ARHGAP11A: variants seen among roughly 807,000 people sequenced by gnomAD.
ARHGAP11A encodes Rho GTPase activating protein 11A, also known as rho GTPase-activating protein 11A.
Under a neutral mutation model 60.5 loss-of-function variants are expected in ARHGAP11A, and 36 were observed. That is an observed-to-expected ratio of 0.59 (90% confidence interval 0.46 to 0.79). The LOEUF (loss-of-function observed/expected upper bound fraction) is 0.79, where lower values mean the gene tolerates loss of function less well. ARHGAP11A is among the 30% of genes least tolerant of loss of function. ARHGAP11A has a pLI of 0.00. For missense variants in ARHGAP11A, 1,071 were observed against 1,199.2 expected, an observed-to-expected ratio of 0.89 and a Z score of 1.58; for synonymous variants, 362 against 415.5, an observed-to-expected ratio of 0.87 and a Z score of 1.57.
At chr15:32,633,808 G>T (rs753304673) in intron 9 of ARHGAP11A, 125 bp from the exon 10 acceptor site, 30 of 615,518 alleles carry the variant, frequency 4.9e-5, no homozygotes, top group Non-Finnish European at 7.3e-5. Flanking sequence ...TGTTTTTAAA[G>T]AATTATTAAT....
At chr15:32,632,946 T>C (rs373626256) in intron 8 of ARHGAP11A, 33 bp from the exon 9 acceptor site, 28 of 1,560,718 alleles carry the variant, frequency 1.8e-5, no homozygotes, top group Non-Finnish European at 2.3e-5. Context: ...AAAATAGATA[T>C]GTGTGGTATA....
intron 8 of ARHGAP11A, among the ~76,000 whole-genome samples, chr15:32,631,996 A>G (rs150754193): frequency 0.028 from 4,250 of 152,302 alleles, 72 homozygotes; most frequent in Non-Finnish European, 0.035. Flanking sequence ...TAAAGTGACT[A>G]GACTGCAGCC....
chr15:32,627,790 A>T (rs1308118624), intron 6 of ARHGAP11A, among the ~76,000 whole-genome samples: 1 of 147,994 alleles, frequency 6.8e-6, no homozygotes, highest in Non-Finnish European at 1.5e-5. Flanking sequence ...AATCTACCCT[A>T]CATATTGCTA....
rs768933545 is a variant in ARHGAP11A, at chr15:32,616,358, G to A, written c.129+18G>A. 4 of 1,612,964 alleles carry A rather than the reference G, an allele frequency of 2.5e-6. No homozygotes were observed. Among genetic ancestry groups the A allele is most frequent in the South Asian group, 1.1e-5 (1 of 90,950 alleles). On this transcript the variant is annotated intron_variant, in intron 1 of 11. Coordinates refer to ENST00000361627, the MANE Select transcript of ARHGAP11A (RefSeq NM_014783.6). ...AAATAGGGGTAAGTTCTGTGAAAAG[G>A]GATTTAGGTTTAAAAGAAAGGGCAC...
chr15:32,620,110 T>C lies in ARHGAP11A; in HGVS notation c.132T>C (p.Gly44=), dbSNP rs776987521. 15 of 1,604,938 alleles carry C rather than the reference T, an allele frequency of 9.3e-6. No homozygotes were observed. The African/African-American group carries it at 2.0e-4, about 22-fold the overall frequency. ...AGTAACTGAATTTGTCATTTTAGGG[T>C]AAAATATTTGGAGTACCTTTTAATG... The part of the protein sequence containing the change: ...RHETAATEIG[G]KIFGVPFNAL... Residue 44 remains glycine, a splice_region_variant and synonymous_variant, in exon 2 of 12, where the codon GGT becomes GGC. Transcript: ENST00000361627.
intron 7 of ARHGAP11A, among the ~76,000 whole-genome samples, chr15:32,629,206 G>A (rs2053534388): frequency 6.9e-6 from 1 of 144,616 alleles, no homozygotes; most frequent in South Asian, 2.2e-4. Context: ...ATGATCTTCT[G>A]TTTTCTAGAG....
intron 1 of ARHGAP11A, among the ~76,000 whole-genome samples, chr15:32,619,588 T>C (rs953024320): frequency 2.4e-4 from 34 of 142,132 alleles, no homozygotes; most frequent in African/African-American, 8.5e-4. Context: ...GGAAAATGTA[T>C]TAGGTATAAA....
chr15:32,616,153 G>A lies in ARHGAP11A; in HGVS notation c.-59G>A. ...AGAGCGTTTGGAAATTGGAAGACTT[G>A]GTGGCGAACGAGGGTCAGGACCTGC... On this transcript the variant is annotated 5_prime_UTR_variant, in exon 1 of 12. Transcript: ENST00000361627. 1 of 1,562,366 alleles carries A rather than the reference G, an allele frequency of 6.4e-7. No homozygotes were observed. The highest frequency in any genetic ancestry group is 2.3e-5 in the East Asian group (1 of 44,254).
In ARHGAP11A at chr15:32,638,716, A is replaced by C. The variant is rs752652838; in HGVS notation, c.*871A>C. The C allele has an allele frequency of 2.0e-5, 3 of 152,666 alleles. No homozygotes were observed. The highest frequency in any genetic ancestry group is 4.4e-5 in the Non-Finnish European group (3 of 68,034). 9.5% of individuals were successfully genotyped at this position (152,666 alleles called of 1,614,324 possible). Reference sequence around the variant, plus strand: ...TCACTCGAACTAAGAACAATGGTTAAGGCAGAATAATGACTAAAATATGTT... The same window carrying C: ...TCACTCGAACTAAGAACAATGGTTACGGCAGAATAATGACTAAAATATGTT... On this transcript the variant is annotated 3_prime_UTR_variant, in exon 12 of 12. Transcript: ENST00000361627.
At chr15:32,620,763 T>G (rs1037635350) in intron 2 of ARHGAP11A, among the ~76,000 whole-genome samples, 1 of 152,080 alleles carries the variant, frequency 6.6e-6, no homozygotes, top group African/African-American at 2.4e-5. Flanking sequence ...TTTGACTTTT[T>G]TTTGTTTGTT....
rs1567055711 is a variant in ARHGAP11A, at chr15:32,629,577, G to C, written c.938-18G>C. 1 of 1,585,742 alleles carries C rather than the reference G, an allele frequency of 6.3e-7. No homozygotes were observed. Among genetic ancestry groups the C allele is most frequent in the Admixed American group, 1.8e-5 (1 of 54,470 alleles). On this transcript the variant is annotated intron_variant, in intron 7 of 11. Transcript: ENST00000361627. ...TCTGCAGTAGAAACAAGTTGGTTTT[G>C]TTTTGATATTTTTTCAGCCCAGCTA...
Position 32,636,498 on chromosome 15 carries a change from T to C in ARHGAP11A, c.1725T>C (p.His575=), listed in dbSNP as rs756478051. 29 of 1,613,918 alleles carry C rather than the reference T, an allele frequency of 1.8e-5. No homozygotes were observed. Among genetic ancestry groups the C allele is most frequent in the East Asian group, 8.9e-5 (4 of 44,880 alleles). Residue 575 remains histidine, a synonymous_variant, in exon 12 of 12, where the codon CAT becomes CAC. Transcript: ENST00000361627. The part of the protein sequence containing the change: ...ELTPSNLNNK[H]NSNITSSPLS... ...CCCCTTCCAATTTAAACAATAAGCA[T>C]AATAGCAACATAACAAGTAGCCCTC... is the stretch of plus-strand genomic sequence containing the variant.
chr15:32,636,822 T>A lies in ARHGAP11A; in HGVS notation c.2049T>A (p.Asn683Lys). The change falls in exon 12 of 12, where the codon AAT becomes AAA. Residue 683 changes from asparagine to lysine, a missense_variant. Coordinates refer to ENST00000361627, the MANE Select transcript of ARHGAP11A (RefSeq NM_014783.6). ...CACCCCTTCAAACTCAAACATTTAATAGAGAAACAACTATAAAATGTTATT... is the reference window on the plus strand; with the variant it reads ...CACCCCTTCAAACTCAAACATTTAAAAGAGAAACAACTATAAAATGTTATT... ...DFSPLQTQTF[N>K]RETTIKCYST... The A allele has an allele frequency of 6.2e-7, 1 of 1,607,876 alleles. No homozygotes were observed. The highest frequency in any genetic ancestry group is 8.5e-7 in the Non-Finnish European group (1 of 1,178,552).
rs61758695 is a variant in ARHGAP11A, at chr15:32,636,652, G to A, written c.1879G>A (p.Val627Ile). 4.1e-4 allele frequency: 655 copies of A among 1,613,834 alleles called. No homozygotes were observed. The highest frequency in any genetic ancestry group is 6.3e-4 in the Admixed American group (38 of 59,950). Residue 627 changes from valine (V) to isoleucine (I), a missense_variant, in exon 12 of 12, where the codon GTA becomes ATA. Physicochemically the swap from Val to Ile is conservative, Grantham distance 29 (BLOSUM62 3). Around this residue, in one of 4 missense-constraint regions of ARHGAP11A, gnomAD observed 776 missense variants for 760.2 expected, o/e 1.02. Transcript: ENST00000361627. ...GTCATCAGTAACTAATGTGGGGAAAGTAAAATTAACTGAACCATCTTATTT... is the reference window on the plus strand; with the variant it reads ...GTCATCAGTAACTAATGTGGGGAAAATAAAATTAACTGAACCATCTTATTT... Reference protein sequence around the residue: ...RQSSVTNVGKVKLTEPSYLED... With the variant: ...RQSSVTNVGKIKLTEPSYLED...
At chr15:32,622,083 G>A (rs2053340864) in intron 2 of ARHGAP11A, among the ~76,000 whole-genome samples, 1 of 152,306 alleles carries the variant, frequency 6.6e-6, no homozygotes, top group African/African-American at 2.4e-5. Context: ...CTCTTTAAAT[G>A]ACCTATGAAA....
chr15:32,621,183 C>CTTTTTTTTTTT (rs60915388), intron 2 of ARHGAP11A, among the ~76,000 whole-genome samples: 4 of 64,252 alleles, frequency 6.2e-5, no homozygotes, highest in Non-Finnish European at 8.1e-5. Context: ...ACCTTTTATT[C>CTTTTTTTTTTT]TTTTTTTTTT....
chr15:32,618,813 G>A (rs1364102326), intron 1 of ARHGAP11A, among the ~76,000 whole-genome samples: 8 of 145,678 alleles, frequency 5.5e-5, no homozygotes, highest in Non-Finnish European at 4.5e-5. Flanking sequence ...TTAGCCAGGT[G>A]TGGTGGCGGG....
chr15:32,634,063 T>C (rs2140473032), intron 10 of ARHGAP11A, 22 bp downstream of exon 10: 1 of 1,509,908 alleles, frequency 6.6e-7, no homozygotes, highest in East Asian at 2.3e-5. Context: ...ACCATTTTAT[T>C]GATCTTTATA....
intron 9 of ARHGAP11A, among the ~76,000 whole-genome samples, chr15:32,633,623 G>A (rs1012016676): frequency 9.9e-5 from 15 of 152,018 alleles, no homozygotes; most frequent in African/African-American, 2.9e-4. Flanking sequence ...AGCCTGGGCC[G>A]CAGAGTGAGA....
Sources: allele counts gnomAD v4.1 joint callset (sites outside exome capture counted in the v4.1 genomes callset), GRCh38; gene constraint gnomAD v4.1.1; regional missense constraint gnomAD v4.1.1; transcripts MANE v1.5; gene names NCBI Gene and HGNC (gene_info 2026-07-23, HGNC 2026-07-21).